Variants in CIMAP1A observed in about 807,000 individuals in gnomAD.
CIMAP1A encodes ciliary microtubule associated protein 1A, also known as cancer/testis antigen 135.
chr11:197,934 C>T, the CIMAP1A span: 1 of 1,504,800 alleles, frequency 6.6e-7, no homozygotes. Context: ...AGAGAAGACT[C>T]TGGCCCAAGA....
At chr11:199,073 A>G in the CIMAP1A span, 5 of 1,274,504 alleles carry the variant, frequency 3.9e-6, no homozygotes, top group South Asian at 9.3e-5. Context: ...CCTCAGGTCC[A>G]ACAGGGCAGC....
chr11:199,671 G>GGGGGGGGGGGGGGT, the CIMAP1A span: 2 of 760,592 alleles, frequency 2.6e-6, no homozygotes, highest in Non-Finnish European at 3.7e-6. Context: ...GTGGGGTGGG[G>GGGGGGGGGGGGGGT]ATGGGAGGCA....
the CIMAP1A span, chr11:199,054 G>A: frequency 8.1e-7 from 1 of 1,240,464 alleles, no homozygotes; most frequent in Non-Finnish European, 1.0e-6. Flanking sequence ...GATTTTGCCA[G>A]CCCCAGGCCC....
the CIMAP1A span, chr11:200,081 G>A: frequency 1.1e-5 from 17 of 1,597,206 alleles, no homozygotes; most frequent in Middle Eastern, 1.7e-4. Context: ...CACAAGATCC[G>A]CCGGGCCACA....
the CIMAP1A span, chr11:197,771 C>T: frequency 6.2e-7 from 1 of 1,612,650 alleles, no homozygotes; most frequent in Non-Finnish European, 8.5e-7. Flanking sequence ...GGTTAGTGAC[C>T]CTGTCTCAGG....
At chr11:198,962 C>G in the CIMAP1A span, 5 of 1,185,510 alleles carry the variant, frequency 4.2e-6, no homozygotes, top group Admixed American at 4.3e-5. Flanking sequence ...GTGCAAAGCC[C>G]CTGGGTGGCA....
chr11:197,926 A>G, the CIMAP1A span: 1 of 1,500,572 alleles, frequency 6.7e-7, no homozygotes, highest in Non-Finnish European at 8.9e-7. Context: ...GCCTGGGCAG[A>G]GAAGACTCTG....
chr11:199,020 C>G, the CIMAP1A span: 1 of 1,201,080 alleles, frequency 8.3e-7, no homozygotes, highest in Non-Finnish European at 1.0e-6. Flanking sequence ...AGCATCATGG[C>G]ACCCAACAGC....
chr11:198,982 G>A, the CIMAP1A span: 1 of 1,191,476 alleles, frequency 8.4e-7, no homozygotes, highest in Non-Finnish European at 1.0e-6. Flanking sequence ...ACATGCCTGA[G>A]AGCTTGAGGG....
the CIMAP1A span, chr11:199,542 G>A: frequency 6.5e-7 from 1 of 1,544,452 alleles, no homozygotes; most frequent in East Asian, 2.4e-5. Flanking sequence ...AGGGGTCAGG[G>A]TGGGGCAGGG....
At chr11:197,837 A>G in the CIMAP1A span, 2 of 1,544,180 alleles carry the variant, frequency 1.3e-6, no homozygotes, top group East Asian at 4.6e-5. Flanking sequence ...CCCTAACCTC[A>G]TGTCAGCAAG....
the CIMAP1A span, chr11:199,204 TG>T: frequency 1.4e-6 from 2 of 1,440,086 alleles, no homozygotes; most frequent in Non-Finnish European, 1.8e-6. Flanking sequence ...CCACAAGCAG[TG>T]GGGTGTGATC....
At chr11:197,218 C>G in the CIMAP1A span, 14 of 877,224 alleles carry the variant, frequency 1.6e-5, no homozygotes, top group Non-Finnish European at 2.3e-5. Flanking sequence ...TCAGCAAGAG[C>G]AGGGTCGGGG....
chr11:198,304 C>G, the CIMAP1A span: 3 of 1,613,766 alleles, frequency 1.9e-6, no homozygotes, highest in African/African-American at 4.0e-5. Context: ...ACCCCAGGTC[C>G]GCAGCAGCCC....
the CIMAP1A span, chr11:197,524 C>G: frequency 6.2e-7 from 1 of 1,604,430 alleles, no homozygotes; most frequent in African/African-American, 1.3e-5. Context: ...AAGGGCAGGT[C>G]AGGCTCCGGG....
the CIMAP1A span, chr11:197,725 C>A: frequency 4.3e-6 from 7 of 1,613,760 alleles, no homozygotes; most frequent in East Asian, 8.9e-5. Context: ...CATCCTGGGG[C>A]GCTACCAAAC....
At chr11:197,317 G>T in the CIMAP1A span, 9 of 1,581,642 alleles carry the variant, frequency 5.7e-6, no homozygotes, top group Non-Finnish European at 7.7e-6. Context: ...GACGGAGGAG[G>T]TATGGATGGG....
the CIMAP1A span, chr11:197,940 C>G: frequency 1.3e-6 from 2 of 1,508,296 alleles, no homozygotes; most frequent in South Asian, 1.3e-5. Context: ...GACTCTGGCC[C>G]AAGAGTCCAG....
the CIMAP1A span, chr11:196,813 T>C: frequency 2.0e-5 from 3 of 152,388 alleles, no homozygotes; most frequent in Non-Finnish European, 4.4e-5. Context: ...TTTCTCTCCA[T>C]GCTCCTTTTG....
Sources: allele counts gnomAD v4.1 joint callset, GRCh38; gene constraint gnomAD v4.1.1; transcripts MANE v1.5; gene names NCBI Gene and HGNC (gene_info 2026-07-23, HGNC 2026-07-21).